The following NFE2L3 variants were observed in gnomAD, a reference collection of about 807,000 sequenced individuals.
NFE2L3 encodes the protein NFE2 like bZIP transcription factor 3.
Under a neutral mutation model 23.5 loss-of-function variants are expected in NFE2L3, and 18 were observed. The observed-to-expected ratio is 0.77, with a 90% confidence interval of 0.53 to 1.13. NFE2L3 has a LOEUF of 1.13. Ranked by LOEUF, NFE2L3 falls within the 50% of genes most tolerant of loss-of-function variation. The pLI is 0.00. For synonymous variants in NFE2L3, 424 were observed against 354.5 expected (o/e 1.20, Z -2.20); for missense variants, 1,152 against 877.2 (o/e 1.31, Z -3.96).
chr7:26,177,600 GGGAAGGAGGGAGGAAGGGAGGAA>G (rs886750148), intron 1 of NFE2L3, among the ~76,000 whole-genome samples: 3 of 152,158 alleles, frequency 2.0e-5, no homozygotes, highest in African/African-American at 7.2e-5. Context: ...GTCGAAAGGA[GGGAAGGAGGGAGGAAGGGAGGAA>G]GGAAGGAATC....
chr7:26,183,024 C>T (rs1032848614), intron 2 of NFE2L3, among the ~76,000 whole-genome samples: 9 of 152,010 alleles, frequency 5.9e-5, no homozygotes, highest in Non-Finnish European at 1.3e-4. Context: ...TGGGCTCAGG[C>T]GATCTGCCTG....
At chr7:26,176,075 C>T (rs1008995978) in intron 1 of NFE2L3, among the ~76,000 whole-genome samples, 3 of 151,760 alleles carry the variant, frequency 2.0e-5, no homozygotes, top group African/African-American at 7.3e-5. Flanking sequence ...AATGAGCATG[C>T]TGCCTTCAAG....
chr7:26,152,833 T>A lies in NFE2L3; in HGVS notation c.335T>A (p.Leu112Gln). The change falls in exon 1 of 4, where the codon CTG (leucine) becomes CAG (glutamine). Residue 112 changes from leucine (L) to glutamine (Q), a missense_variant. Coordinates refer to ENST00000056233, the MANE Select transcript of NFE2L3 (RefSeq NM_004289.7). The surrounding 1 kb of genome is among the most constrained non-coding windows in gnomAD (Gnocchi z 4.4). Reference protein sequence around the residue: ...FVPRTSVDAWLVHSVAAGSAD... With the variant: ...FVPRTSVDAWQVHSVAAGSAD... ...CCTCGCACCAGCGTGGATGCATGGC[T>A]GGTGCACAGCGTGGCTGCCGGGAGC... 2 of 1,481,902 alleles carry A rather than the reference T, an allele frequency of 1.3e-6. No homozygotes were observed. The highest frequency in any genetic ancestry group is 2.4e-4 in the Middle Eastern group (1 of 4,222). 91.8% of individuals were successfully genotyped at this position (1,481,902 alleles called of 1,614,324 possible). A position where few individuals can be genotyped will look rare whatever the true frequency, so the allele number is the denominator to read the frequency against.
rs767912227 is a variant in NFE2L3, at chr7:26,184,519, CCTT to C, written c.835-12_835-10del. 1.2e-5 allele frequency: 19 copies of C among 1,594,282 alleles called. No individual in the cohort carries two copies. Among genetic ancestry groups the C allele is most frequent in the African/African-American group, 1.1e-4 (8 of 74,438 alleles). On this transcript the variant is annotated splice_polypyrimidine_tract_variant and intron_variant, in intron 3 of 3. Coordinates refer to ENST00000056233, the MANE Select transcript of NFE2L3 (RefSeq NM_004289.7). ...GGCTATTCATGTTTGAAGTGTTTCT[CCTT>C]CGTTTTTCAGGGCATCTCATTGGGA...
intron 1 of NFE2L3, among the ~76,000 whole-genome samples, chr7:26,165,972 A>C (rs557870206): frequency 6.6e-6 from 1 of 152,276 alleles, no homozygotes; most frequent in Non-Finnish European, 1.5e-5. Flanking sequence ...GGTTTGTTTG[A>C]ATCACAATCC....
At position 26,183,698 on chromosome 7, in the gene NFE2L3, C is replaced by G. The variant is rs543863168; in HGVS notation, c.751-3C>G. ...AAGATGCACTTTTTGTGTTTCTCTACAGAGACATCTGAATGGGACAGATAC... is the reference window on the plus strand; with the variant it reads ...AAGATGCACTTTTTGTGTTTCTCTAGAGAGACATCTGAATGGGACAGATAC... On this transcript the variant is annotated splice_region_variant and splice_polypyrimidine_tract_variant and intron_variant, in intron 2 of 3. Transcript: ENST00000056233. The G allele has an allele frequency of 3.8e-6, 6 of 1,598,196 alleles. No individual in the cohort carries two copies. The African/African-American group carries it at 5.4e-5, about 14-fold the overall frequency.
Position 26,152,581 on chromosome 7 carries a change from T to C in NFE2L3, c.83T>C (p.Val28Ala). Residue 28 changes from valine (V) to alanine (A), a missense_variant, in exon 1 of 4, where the codon GTA (valine) becomes GCA (alanine). Transcript: ENST00000056233. This position sits in a 1 kb window ranked among gnomAD's most constrained non-coding sequence, Gnocchi z 4.4. ...CTGCTGAGCTTGGCGGGGCTCCGCG[T>C]AGACCTAGATCTTTACCTGCTGCTG... ...TLLLSLAGLR[V>A]DLDLYLLLPP... 4 of 1,539,534 alleles carry C rather than the reference T, an allele frequency of 2.6e-6. No individual in the cohort carries two copies. The highest frequency in any genetic ancestry group is 3.5e-6 in the Non-Finnish European group (4 of 1,153,464).
Position 26,152,339 on chromosome 7 carries a change from G to A in NFE2L3, c.-160G>A, listed in dbSNP as rs1279464935. On this transcript the variant is annotated 5_prime_UTR_variant, in exon 1 of 4. Transcript: ENST00000056233. This position sits in a 1 kb window ranked among gnomAD's most constrained non-coding sequence, Gnocchi z 4.4. ...AGGGAACGCCTTTGTGCCCGGTGCT[G>A]GGAACCCGCGACGGCCGCCACGCGC... is the stretch of plus-strand genomic sequence containing the variant. 7.8e-6 allele frequency: 3 copies of A among 382,440 alleles called. No individual in the cohort carries two copies. Among genetic ancestry groups the A allele is most frequent in the Non-Finnish European group, 1.2e-5 (3 of 242,244 alleles). The allele number at this position is 382,440 out of a possible 1,614,324, so 23.7% of individuals were successfully genotyped here. A position where few individuals can be genotyped will look rare whatever the true frequency, so the allele number is the denominator to read the frequency against.
chr7:26,152,352 G>A lies in NFE2L3; in HGVS notation c.-147G>A. 1 of 459,978 alleles carries A rather than the reference G, an allele frequency of 2.2e-6. No individual in the cohort carries two copies. The highest frequency in any genetic ancestry group is 3.2e-6 in the Non-Finnish European group (1 of 310,844). The allele number at this position is 459,978 out of a possible 1,614,324, so 28.5% of individuals were successfully genotyped here. On this transcript the variant is annotated 5_prime_UTR_variant, in exon 1 of 4. Coordinates refer to ENST00000056233, the MANE Select transcript of NFE2L3 (RefSeq NM_004289.7). The surrounding 1 kb of genome is among the most constrained non-coding windows in gnomAD (Gnocchi z 4.4). Reference sequence around the variant, plus strand: ...GTGCCCGGTGCTGGGAACCCGCGACGGCCGCCACGCGCCCCGGTCCATTGT... The same window carrying A: ...GTGCCCGGTGCTGGGAACCCGCGACAGCCGCCACGCGCCCCGGTCCATTGT...
At chr7:26,158,426 TCTTC>T (rs1279122966) in intron 1 of NFE2L3, among the ~76,000 whole-genome samples, 4 of 152,294 alleles carry the variant, frequency 2.6e-5, no homozygotes, top group African/African-American at 9.6e-5. Context: ...ACAATCACCA[TCTTC>T]CTTCCATCAA....
intron 1 of NFE2L3, among the ~76,000 whole-genome samples, chr7:26,173,111 C>CATT (rs1287066049): frequency 6.6e-6 from 1 of 151,754 alleles, no homozygotes; most frequent in Non-Finnish European, 1.5e-5. Flanking sequence ...AGTTATGATC[C>CATT]ATTATTATAT....
At chr7:26,182,008 G>A (rs541162046) in intron 2 of NFE2L3, among the ~76,000 whole-genome samples, 45 of 151,972 alleles carry the variant, frequency 3.0e-4, no homozygotes, top group African/African-American at 1.1e-3. Flanking sequence ...AGGAGTCCCA[G>A]AAGAAACTAT....
In NFE2L3 at chr7:26,184,659, C is replaced by G; in HGVS notation, c.961C>G (p.Leu321Val). The change falls in exon 4 of 4, where the codon CTT (leucine) becomes GTT (valine). Residue 321 changes from leucine (L) to valine (V), a missense_variant. Physicochemically the swap from Leu to Val is conservative, Grantham distance 32. Coordinates refer to ENST00000056233, the MANE Select transcript of NFE2L3 (RefSeq NM_004289.7). The stretch of plus-strand genomic sequence containing the variant: ...TGTGAATCTTCATGAGGCCATCTTG[C>G]TTTGTCCCAACAATACATTTAGAAG... ...QDVNLHEAIL[L>V]CPNNTFRRDP... is the part of the protein sequence containing the mutation. 6.2e-7 allele frequency: 1 copy of G among 1,613,950 alleles called. No individual in the cohort carries two copies. The highest frequency in any genetic ancestry group is 8.5e-7 in the Non-Finnish European group (1 of 1,179,846).
intron 1 of NFE2L3, among the ~76,000 whole-genome samples, chr7:26,156,468 T>C (rs2128097152): frequency 6.6e-6 from 1 of 152,024 alleles, no homozygotes; most frequent in African/African-American, 2.4e-5. Context: ...TCAAAAGGAG[T>C]ACTGTTTTGG....
At chr7:26,183,992 GGAAAACA>G (rs1412456241) in intron 3 of NFE2L3, 8 of 521,012 alleles carry the variant, frequency 1.5e-5, no homozygotes, top group Admixed American at 3.6e-5. Context: ...GACTAGTCAT[GGAAAACA>G]GCGTGGAGAT....
chr7:26,180,325 T>C (rs1784484082), intron 2 of NFE2L3, among the ~76,000 whole-genome samples: 1 of 152,204 alleles, frequency 6.6e-6, no homozygotes, highest in Non-Finnish European at 1.5e-5. Flanking sequence ...AACCCTTTTG[T>C]AACCCTCAAT....
intron 2 of NFE2L3, among the ~76,000 whole-genome samples, chr7:26,179,301 G>A (rs1404936147): frequency 1.3e-5 from 2 of 152,020 alleles, no homozygotes; most frequent in Non-Finnish European, 2.9e-5. Flanking sequence ...AGGAGTTGGA[G>A]ATCAGCCTGG....
intron 1 of NFE2L3, among the ~76,000 whole-genome samples, chr7:26,155,358 C>G (rs1344127833): frequency 6.6e-6 from 1 of 152,156 alleles, no homozygotes; most frequent in Non-Finnish European, 1.5e-5. Flanking sequence ...ACGAGAATCA[C>G]TTGAATCTGG....
At position 26,183,704 on chromosome 7, in the gene NFE2L3, C is replaced by G. The variant is rs762940963; in HGVS notation, c.754C>G (p.His252Asp). ...CACTTTTTGTGTTTCTCTACAGAGA[C>G]ATCTGAATGGGACAGATACTTCTTT... ...EKTTESRNER[H>D]LNGTDTSFSL... Residue 252 changes from histidine to aspartate, a missense_variant, in exon 3 of 4, where the codon CAT becomes GAT. By Grantham distance (81) the His-to-Asp change is moderately conservative. Coordinates refer to ENST00000056233, the MANE Select transcript of NFE2L3 (RefSeq NM_004289.7). 4 of 1,604,246 alleles carry G rather than the reference C, an allele frequency of 2.5e-6. No homozygotes were observed. Among genetic ancestry groups the G allele is most frequent in the Non-Finnish European group, 3.4e-6 (4 of 1,171,020 alleles).
Sources: gnomAD v4.1 joint callset for allele counts (sites outside exome capture counted in the v4.1 genomes callset) on GRCh38, gnomAD v4.1.1 for gene constraint, Gnocchi (gnomAD v3.1) non-coding constraint, MANE v1.5 for transcripts, NCBI Gene and HGNC (gene_info 2026-07-23, HGNC 2026-07-21) for gene names.